The following ST7 variants were observed in gnomAD, a reference collection of about 807,000 sequenced individuals.
ST7 encodes suppressor of tumorigenicity 7 protein.
A neutral mutation model predicts 78.7 loss-of-function variants in ST7; 28 were observed. The ratio of observed to expected loss-of-function variants is 0.36; its 90% CI spans 0.26 to 0.49. ST7 has a LOEUF of 0.49. Ranked by LOEUF, ST7 falls within the 20% of genes least tolerant of loss-of-function variation. The pLI, the probability that ST7 is intolerant of heterozygous loss-of-function variation, is 0.99. For synonymous variants in ST7, 247 were observed against 249.6 expected, an observed-to-expected ratio of 0.99 and a Z score of 0.10; for missense variants, 418 against 696.0, an observed-to-expected ratio of 0.60 and a Z score of 4.49.
Position 117,229,888 on chromosome 7 carries a change from G to GC in ST7, c.*33dup. ...GCCCTGTCCTCCACTCACCTCACCC[G>GC]CCGCTGCCACCATCTCCTCTGTGCC... On this transcript the variant is annotated 3_prime_UTR_variant, in exon 16 of 16. Transcript: ENST00000323984. 3 of 1,573,202 alleles carry GC rather than the reference G, an allele frequency of 1.9e-6. No individual in the cohort carries two copies. Among genetic ancestry groups the GC allele is most frequent in the Non-Finnish European group, 2.6e-6 (3 of 1,142,714 alleles).
intron 9 of ST7, among the ~76,000 whole-genome samples, chr7:117,149,592 C>CT (rs59067333): frequency 0.057 from 4,774 of 83,846 alleles, 241 homozygotes; most frequent in Non-Finnish European, 0.079. Context: ...CGTGTCCTAC[C>CT]TTTTTTTTTT....
chr7:117,078,658 A>G (rs950230532), intron 1 of ST7, among the ~76,000 whole-genome samples: 5 of 152,176 alleles, frequency 3.3e-5, no homozygotes, highest in Non-Finnish European at 7.3e-5. Context: ...GGTCATTTCT[A>G]CTATTATAAA....
intron 10 of ST7, among the ~76,000 whole-genome samples, chr7:117,171,946 C>CTTTT (rs35780344): frequency 0.062 from 8,233 of 132,800 alleles, 327 homozygotes; most frequent in East Asian, 0.16. Context: ...CCATTTGGGT[C>CTTTT]TTTTTTTTTT....
At chr7:117,058,257 C>T (rs778254249) in intron 1 of ST7, among the ~76,000 whole-genome samples, 5 of 152,056 alleles carry the variant, frequency 3.3e-5, no homozygotes, top group South Asian at 2.1e-4. Context: ...TGCACAAGAG[C>T]GGTTATTTCC....
intron 1 of ST7, among the ~76,000 whole-genome samples, chr7:117,009,385 A>T (rs376837757): frequency 6.6e-6 from 1 of 151,710 alleles, no homozygotes; most frequent in South Asian, 2.1e-4. Flanking sequence ...CCAAAACCAC[A>T]CAGGAAGGTC....
At chr7:117,068,953 G>A (rs1041460890) in intron 1 of ST7, among the ~76,000 whole-genome samples, 1 of 152,186 alleles carries the variant, frequency 6.6e-6, no homozygotes. Flanking sequence ...TTCTGAGAAG[G>A]GATCTTTTGA....
At chr7:117,124,176 G>C (rs1803634784) in intron 3 of ST7, among the ~76,000 whole-genome samples, 1 of 152,026 alleles carries the variant, frequency 6.6e-6, no homozygotes. Flanking sequence ...CAAGACCTTC[G>C]TCGGTCCCAA....
At chr7:117,147,755 C>A (rs116247073) in intron 9 of ST7, among the ~76,000 whole-genome samples, 1,788 of 152,222 alleles carry the variant, frequency 0.012, 50 homozygotes, top group African/African-American at 0.041. Flanking sequence ...TTCTCCCCCT[C>A]TATCCTCTGT....
At chr7:117,043,049 T>C (rs766760194) in intron 1 of ST7, among the ~76,000 whole-genome samples, 4 of 152,312 alleles carry the variant, frequency 2.6e-5, no homozygotes, top group Admixed American at 6.5e-5. Context: ...TTGCAACACA[T>C]AAAACAATTC....
At chr7:117,091,779 C>G (rs982970921) in intron 1 of ST7, among the ~76,000 whole-genome samples, 1 of 152,172 alleles carries the variant, frequency 6.6e-6, no homozygotes, top group Non-Finnish European at 1.5e-5. Context: ...CTTCTTATCT[C>G]TCAGTTTCTG....
At chr7:117,192,727 G>A (rs953170566) in intron 12 of ST7, among the ~76,000 whole-genome samples, 3 of 152,070 alleles carry the variant, frequency 2.0e-5, no homozygotes, top group Non-Finnish European at 4.4e-5. Context: ...TATTTTGATT[G>A]AAGTAGTCAT....
chr7:116,966,229 CTTTTTTCTTTTTTCTTTCTTTTTTT>C (rs1223877178), intron 1 of ST7: 73 of 213,206 alleles, frequency 3.4e-4, no homozygotes, highest in African/African-American at 1.6e-3. Flanking sequence ...ATATATGTTG[CTTTTTTCTTTTTTCTTTCTTTTTTT>C]TTTTTTTTTT....
intron 2 of ST7, among the ~76,000 whole-genome samples, chr7:117,100,709 C>G (rs879813869): frequency 1.3e-5 from 2 of 151,740 alleles, no homozygotes; most frequent in African/African-American, 4.8e-5. Context: ...GCTCTATTAC[C>G]TTATCTTTGT....
chr7:117,114,925 A>T (rs1222166912), intron 2 of ST7, among the ~76,000 whole-genome samples: 2 of 152,102 alleles, frequency 1.3e-5, no homozygotes, highest in African/African-American at 2.4e-5. Flanking sequence ...CCAGCTGGAA[A>T]CCTGGGTCTC....
intron 1 of ST7, among the ~76,000 whole-genome samples, chr7:117,054,252 G>C (rs1199518854): frequency 6.6e-6 from 1 of 152,188 alleles, no homozygotes; most frequent in Non-Finnish European, 1.5e-5. Context: ...TGTTAAAACT[G>C]TAAAATAAAC....
chr7:117,223,051 C>A, intron 15 of ST7: 1 of 1,111,358 alleles, frequency 9.0e-7, no homozygotes, highest in Non-Finnish European at 1.4e-6. Flanking sequence ...GCCATCCACC[C>A]CGTTGCTCAA....
At chr7:116,976,482 C>G (rs1793711412) in intron 1 of ST7, among the ~76,000 whole-genome samples, 1 of 152,154 alleles carries the variant, frequency 6.6e-6, no homozygotes, top group Non-Finnish European at 1.5e-5. Context: ...TTCTCTTGGA[C>G]TAACAGTTAC....
intron 1 of ST7, chr7:117,073,203 T>C (rs1341974595): frequency 6.6e-6 from 1 of 152,166 alleles, no homozygotes; most frequent in Non-Finnish European, 1.5e-5. Flanking sequence ...AAGAAATCAA[T>C]AGACTATTTA....
rs374432332 is a variant in ST7, at chr7:117,179,280, A to G, written c.1078+8304A>G. Among the ~76,000 whole-genome samples, 13 of 152,352 alleles carry G rather than the reference A, an allele frequency of 8.5e-5. 1 individual carries two copies. Among genetic ancestry groups the G allele is most frequent in the Admixed American group, 5.9e-4 (9 of 15,296 alleles). On this transcript the variant is annotated intron_variant, in intron 10 of 15. Coordinates refer to ENST00000323984, the MANE Select transcript of ST7 (RefSeq NM_001369598.1). Reference sequence around the variant, plus strand: ...CTAATATCAAGATATTTGAGATGTTAGTACATTAATTTAGGATTTTATTCA... The same window carrying G: ...CTAATATCAAGATATTTGAGATGTTGGTACATTAATTTAGGATTTTATTCA...
Sources: allele counts gnomAD v4.1 joint callset (sites outside exome capture counted in the v4.1 genomes callset), GRCh38; gene constraint gnomAD v4.1.1; transcripts MANE v1.5; gene names NCBI Gene and HGNC (gene_info 2026-07-23, HGNC 2026-07-21).